The following CELF2 variants were observed in gnomAD, a reference collection of about 807,000 sequenced individuals.
CELF2 encodes the protein CUGBP Elav-like family member 2.
CELF2 carries 8 observed loss-of-function variants against 62.6 expected under a neutral mutation model. That is an observed-to-expected ratio of 0.13 (90% confidence interval 0.07 to 0.23). The LOEUF is 0.23. CELF2 is among the 10% of genes least tolerant of loss of function. The probability of loss-of-function intolerance (pLI) is 1.00; values close to 1 mark genes in which losing one functional copy is unlikely to be tolerated. For synonymous variants in CELF2, 258 were observed against 250.0 expected, an observed-to-expected ratio of 1.03 and a Z score of -0.30; for missense variants, 333 against 671.0, an observed-to-expected ratio of 0.50 and a Z score of 5.56.
intron 1 of CELF2, among the ~76,000 whole-genome samples, chr10:10,821,532 C>T (rs765086219): frequency 1.3e-5 from 2 of 152,208 alleles, no homozygotes; most frequent in African/African-American, 2.4e-5. Context: ...TTCCTGCTTC[C>T]GCCTGACTTG....
In CELF2 at chr10:10,936,163, C is replaced by CA. The variant is rs11362467; in HGVS notation, c.89+16172dup. On this transcript the variant is annotated intron_variant, in intron 2 of 13. Coordinates refer to the CELF2 transcript ENST00000636488. This position sits in a 1 kb window ranked among gnomAD's most constrained non-coding sequence, Gnocchi z 4.0. Reference sequence around the variant, plus strand: ...GGTGACAGAGTGAGACTCCATCTCACAAAAAAAATAAATAAAATAATAAAG... The same window carrying CA: ...GGTGACAGAGTGAGACTCCATCTCACAAAAAAAAATAAATAAAATAATAAAG... Among the ~76,000 whole-genome samples the CA allele has an allele frequency of 1.5e-4, 22 of 149,572 alleles. No homozygotes were observed. Among genetic ancestry groups the CA allele is most frequent in the African/African-American group, 3.4e-4 (14 of 40,590 alleles).
chr10:11,334,779 T>C lies in CELF2; in HGVS notation c.*5726T>C, dbSNP rs1307771449. 4 of 152,206 alleles carry C rather than the reference T, an allele frequency of 2.6e-5. No homozygotes were observed. Among genetic ancestry groups the C allele is most frequent in the African/African-American group, 9.6e-5 (4 of 41,452 alleles). 9.4% of individuals were successfully genotyped at this position (152,206 alleles called of 1,614,324 possible). On this transcript the variant is annotated 3_prime_UTR_variant, in exon 13 of 13. Transcript: ENST00000633077. ...CACCCACGAGGCCAAACCCGCATCA[T>C]TACAGTCCAACTCTTCTTAGACACT...
chr10:10,922,711 C>T (rs888859001), intron 2 of CELF2: 1 of 152,072 alleles, frequency 6.6e-6, no homozygotes, highest in Non-Finnish European at 1.5e-5. Flanking sequence ...TTTTGTTATT[C>T]TCATGTCGAA....
chr10:10,892,738 A>G (rs1321878584), intron 1 of CELF2, among the ~76,000 whole-genome samples: 4 of 152,296 alleles, frequency 2.6e-5, no homozygotes. Context: ...TGTTGTTCCA[A>G]TTCACTGGAA....
chr10:10,921,987 T>C (rs901567015), intron 2 of CELF2, among the ~76,000 whole-genome samples: 1 of 152,166 alleles, frequency 6.6e-6, no homozygotes, highest in African/African-American at 2.4e-5. Flanking sequence ...GTGAGCCCAA[T>C]GTTGTCATGA....
chr10:10,815,026 T>C (rs1011838770), intron 1 of CELF2, among the ~76,000 whole-genome samples: 5 of 152,234 alleles, frequency 3.3e-5, no homozygotes, highest in African/African-American at 1.2e-4. Context: ...AAAGTGTCAG[T>C]CTGCCTTGTC....
Position 10,957,367 on chromosome 10 carries a change from C to T in CELF2, c.89+37368C>T, listed in dbSNP as rs1173516876. Among the ~76,000 whole-genome samples the T allele has an allele frequency of 3.3e-5, 5 of 152,090 alleles. No homozygotes were observed. The highest frequency in any genetic ancestry group is 7.2e-5 in the African/African-American group (3 of 41,396). The stretch of plus-strand genomic sequence containing the variant: ...GCATGTGTCTCCTCTGGGATTCATT[C>T]GCTCTCGCTGAAGGATGATCTCAGA... On this transcript the variant is annotated intron_variant, in intron 2 of 13. Coordinates refer to the CELF2 transcript ENST00000636488. The surrounding 1 kb of genome is among the most constrained non-coding windows in gnomAD (Gnocchi z 4.1).
At chr10:11,115,992 T>G (rs887628651) in intron 1 of CELF2, among the ~76,000 whole-genome samples, 2 of 152,230 alleles carry the variant, frequency 1.3e-5, no homozygotes, top group African/African-American at 2.4e-5. Context: ...TTTTTCCCTG[T>G]AGCAGCCAGC....
At chr10:11,151,355 A>G (rs1414609296) in intron 1 of CELF2, among the ~76,000 whole-genome samples, 1 of 152,008 alleles carries the variant, frequency 6.6e-6, no homozygotes, top group Non-Finnish European at 1.5e-5. Context: ...TTTTCCATGG[A>G]TGGGATAACT....
intron 2 of CELF2, among the ~76,000 whole-genome samples, chr10:11,000,274 C>T (rs925495471): frequency 6.6e-6 from 1 of 152,110 alleles, no homozygotes; most frequent in African/African-American, 2.4e-5. Context: ...CCTACACAGA[C>T]ATAGTCCTCT....
At chr10:10,470,828 G>C in the CELF2 span, among the ~76,000 whole-genome samples, 2 of 150,748 alleles carry the variant, frequency 1.3e-5, no homozygotes, top group South Asian at 4.2e-4. Flanking sequence ...AGGGATTAAA[G>C]CATGGACAGC....
At chr10:11,282,657 C>G (rs1393168299) in intron 8 of CELF2, among the ~76,000 whole-genome samples, 1 of 152,230 alleles carries the variant, frequency 6.6e-6, no homozygotes, top group Admixed American at 6.5e-5. Flanking sequence ...ATCTCTTAAT[C>G]CTCAAGAGGT....
At chr10:11,118,163 T>A (rs2056971332) in intron 1 of CELF2, among the ~76,000 whole-genome samples, 1 of 152,030 alleles carries the variant, frequency 6.6e-6, no homozygotes, top group African/African-American at 2.4e-5. Flanking sequence ...GGTAATATAT[T>A]TTAGTAGCGC....
chr10:10,890,839 A>G (rs1015045484), intron 1 of CELF2, among the ~76,000 whole-genome samples: 3 of 152,110 alleles, frequency 2.0e-5, no homozygotes, highest in African/African-American at 7.2e-5. Flanking sequence ...ACATGGTAAA[A>G]CCCCTTTTCT....
the CELF2 span, among the ~76,000 whole-genome samples, chr10:10,734,687 TAGG>T: frequency 6.6e-6 from 1 of 152,046 alleles, no homozygotes; most frequent in African/African-American, 2.4e-5. Flanking sequence ...GGGAAGGAAA[TAGG>T]AGTGGAGAAA....
upstream of CELF2, among the ~76,000 whole-genome samples, chr10:11,013,501 G>A (rs1021881243): frequency 6.6e-6 from 1 of 152,096 alleles, no homozygotes; most frequent in Non-Finnish European, 1.5e-5. This position sits in a 1 kb window ranked among gnomAD's most constrained non-coding sequence, Gnocchi z 4.1. Flanking sequence ...CAGCTTGAAG[G>A]CCTCTTCACA....
intron 1 of CELF2, among the ~76,000 whole-genome samples, chr10:10,914,192 A>G (rs2064114742): frequency 1.3e-5 from 2 of 152,256 alleles, no homozygotes; most frequent in African/African-American, 4.8e-5. Context: ...TTGGAGAAAA[A>G]CATTCCAGGT....
In CELF2 at chr10:11,328,869, T is replaced by C; in HGVS notation, c.1439-57T>C. The C allele has an allele frequency of 1.3e-6, 2 of 1,563,842 alleles. No homozygotes were observed. The highest frequency in any genetic ancestry group is 1.7e-6 in the Non-Finnish European group (2 of 1,150,738). Reference sequence around the variant, plus strand: ...CCTTCCCCAGAGCTCCAGCCCCCTTTTCTGTTTTCTGCTGGGCTTCCTCTC... The same window carrying C: ...CCTTCCCCAGAGCTCCAGCCCCCTTCTCTGTTTTCTGCTGGGCTTCCTCTC... On this transcript the variant is annotated intron_variant, in intron 12 of 12. Coordinates refer to ENST00000633077, the MANE Select transcript of CELF2 (RefSeq NM_001326342.2). This position sits in a 1 kb window ranked among gnomAD's most constrained non-coding sequence, Gnocchi z 6.4.
chr10:10,873,697 A>G (rs12259925), intron 1 of CELF2, among the ~76,000 whole-genome samples: 2,031 of 152,302 alleles, frequency 0.013, 57 homozygotes, highest in African/African-American at 0.046. Context: ...TTAAATTAGC[A>G]ATAAATCGAA....
Sources: allele counts gnomAD v4.1 joint callset (sites outside exome capture counted in the v4.1 genomes callset), GRCh38; gene constraint gnomAD v4.1.1; non-coding constraint Gnocchi (gnomAD v3.1); transcripts MANE v1.5; gene names NCBI Gene and HGNC (gene_info 2026-07-23, HGNC 2026-07-21).